The following TIAM1 variants were observed in gnomAD, a reference collection of about 807,000 sequenced individuals.
The protein encoded by TIAM1 is TIAM Rac1 associated GEF 1.
TIAM1 carries 65 observed loss-of-function variants against 163.5 expected under a neutral mutation model. That is an observed-to-expected ratio of 0.40 (90% CI 0.33 to 0.49). The LOEUF (loss-of-function observed/expected upper bound fraction) is 0.49. Among genes scored for constraint, TIAM1 ranks in the 20% least tolerant of loss-of-function variants. The pLI is 0.77. For synonymous variants in TIAM1, 833 were observed against 810.1 expected, an observed-to-expected ratio of 1.03 and a Z score of -0.48; for missense variants, 1,789 against 2,044.7, an observed-to-expected ratio of 0.87 and a Z score of 2.41.
rs751380189 is a variant in TIAM1, at chr21:31,136,005, T to A, written c.3811A>T (p.Thr1271Ser). The change falls in exon 23 of 28, where the codon ACT (threonine) becomes TCT (serine). Residue 1271 changes from threonine to serine, a missense_variant. Thr to Ser is a moderately conservative substitution (Grantham distance 58). Coordinates refer to ENST00000541036, the MANE Select transcript of TIAM1 (RefSeq NM_001353694.2). ...DLSMGDLLLH[T>S]TVIWLNPPAS... is the part of the protein sequence containing the mutation. ...GGCGGGTTCAGCCAGATCACGGTAG[T>A]GTGCAAAAGCAGGTCTCCCATGCTC... 7 of 1,614,164 alleles carry A rather than the reference T, an allele frequency of 4.3e-6. No individual in the cohort carries two copies. In the Admixed American group the frequency reaches 8.3e-5, roughly 19 times the overall value.
At chr21:31,228,256 A>ATCTG (rs2088175236) in intron 6 of TIAM1, among the ~76,000 whole-genome samples, 2 of 116,108 alleles carry the variant, frequency 1.7e-5, no homozygotes, top group African/African-American at 6.6e-5. Flanking sequence ...AAAAAAAAAA[A>ATCTG]AAAGGAAGGA....
chr21:31,151,918 T>C (rs920830426), intron 19 of TIAM1, among the ~76,000 whole-genome samples: 8 of 152,052 alleles, frequency 5.3e-5, no homozygotes, highest in Admixed American at 5.2e-4. Flanking sequence ...GGACACCGTG[T>C]GCTGGAAGAT....
intron 8 of TIAM1, among the ~76,000 whole-genome samples, chr21:31,221,308 A>G (rs1006142171): frequency 6.6e-6 from 1 of 152,354 alleles, no homozygotes; most frequent in South Asian, 2.1e-4. Flanking sequence ...GAACATATTG[A>G]AACACCCAGA....
At chr21:31,430,223 AAAATATAT>A (rs1315252736) in intron 2 of TIAM1, among the ~76,000 whole-genome samples, 62 of 98,004 alleles carry the variant, frequency 6.3e-4, no homozygotes, top group African/African-American at 3.1e-3. Context: ...AAAAAAAAAA[AAAATATAT>A]ATATATATAT....
At chr21:31,503,572 G>GAA in intron 1 of TIAM1, among the ~76,000 whole-genome samples, 1 of 40,320 alleles carries the variant, frequency 2.5e-5, no homozygotes, top group East Asian at 8.5e-4. Context: ...AGGGAAAGAA[G>GAA]AGAGAAAGAG....
intron 13 of TIAM1, among the ~76,000 whole-genome samples, chr21:31,189,098 A>C (rs1233308839): frequency 9.4e-6 from 1 of 105,898 alleles, no homozygotes; most frequent in Non-Finnish European, 1.7e-5. Context: ...TCTGTTGTCT[A>C]GGCTGGAGTG....
chr21:31,143,427 A>C (rs1300795316), intron 20 of TIAM1, among the ~76,000 whole-genome samples: 2 of 148,944 alleles, frequency 1.3e-5, no homozygotes. Flanking sequence ...CCCCGCAAAA[A>C]ACAGTGGGAG....
chr21:31,358,828 G>C (rs1431225875), intron 2 of TIAM1, among the ~76,000 whole-genome samples: 1 of 152,058 alleles, frequency 6.6e-6, no homozygotes, highest in African/African-American at 2.4e-5. Flanking sequence ...TCCTTTTAAA[G>C]TATAAATTAG....
At chr21:31,384,929 G>A (rs2076840504) in intron 2 of TIAM1, among the ~76,000 whole-genome samples, 1 of 151,922 alleles carries the variant, frequency 6.6e-6, no homozygotes, top group African/African-American at 2.4e-5. Flanking sequence ...ACCCACACAA[G>A]CACACACACA....
In TIAM1 at chr21:31,124,553, C is replaced by T; in HGVS notation, c.4275G>A (p.Leu1425=). ...TGCTCATGGCCGGCCTGGCCCCCTT[C>T]AGTGCACACAATCTTTTGCCTCCAA... ...VPFGGKRLCA[L]KGARPAMSRA... The change falls in exon 27 of 28, where the codon CTG becomes CTA. Residue 1425 remains leucine (L), a synonymous_variant. Coordinates refer to ENST00000541036, the MANE Select transcript of TIAM1 (RefSeq NM_001353694.2). The T allele has an allele frequency of 6.2e-7, 1 of 1,613,640 alleles. No individual in the cohort carries two copies. The highest frequency in any genetic ancestry group is 8.5e-7 in the Non-Finnish European group (1 of 1,179,986).
chr21:31,406,251 T>A (rs1430336993), intron 2 of TIAM1, among the ~76,000 whole-genome samples: 1 of 151,300 alleles, frequency 6.6e-6, no homozygotes, highest in Non-Finnish European at 1.5e-5. Flanking sequence ...CCAGACATCA[T>A]TATAATTTAT....
intron 1 of TIAM1, among the ~76,000 whole-genome samples, chr21:31,471,249 G>A (rs761240472): frequency 1.5e-4 from 23 of 152,300 alleles, no homozygotes; most frequent in African/African-American, 5.1e-4. Flanking sequence ...GGTGGGCATC[G>A]GTCAGCCCTT....
chr21:31,547,293 T>C lies in TIAM1; in HGVS notation c.-422+11634A>G, dbSNP rs181985548. On this transcript the variant is annotated intron_variant, in intron 1 of 28. Transcript: ENST00000286827. ...TTTAGAAACAAAGTATATCTGGTTT[T>C]GAGCCCATCTTCCAAGAAAGAGACT... Among the ~76,000 whole-genome samples, 31 of 152,352 alleles carry C rather than the reference T, an allele frequency of 2.0e-4. 1 individual carries two copies. The highest frequency in any genetic ancestry group is 3.8e-4 in the Non-Finnish European group (26 of 68,026).
intron 23 of TIAM1, 114 bp downstream of exon 23, chr21:31,135,819 A>G (rs2146255574): frequency 1.1e-6 from 1 of 936,648 alleles, no homozygotes. Flanking sequence ...GACCGATTCA[A>G]GTAACTGCAA....
Position 31,252,225 on chromosome 21 carries a change from G to T in TIAM1, c.964-36C>A, listed in dbSNP as rs374781116. The T allele has an allele frequency of 1.1e-5, 18 of 1,578,710 alleles. No individual in the cohort carries two copies. In the East Asian group the frequency reaches 2.0e-4, roughly 18 times the overall value. On this transcript the variant is annotated intron_variant, in intron 4 of 27. Transcript: ENST00000541036. ...GAAAGAGAGAGCAAAGAAGACAAGC[G>T]TCACGTGGAGAAGGAACCCAGGGTC...
At chr21:31,274,335 T>C (rs528426882) in intron 3 of TIAM1, among the ~76,000 whole-genome samples, 22 of 151,884 alleles carry the variant, frequency 1.4e-4, no homozygotes, top group African/African-American at 4.3e-4. Context: ...CATAAGAAAA[T>C]ATTCCAGTTA....
chr21:31,243,105 T>C (rs139417597), intron 6 of TIAM1, among the ~76,000 whole-genome samples: 2,387 of 148,358 alleles, frequency 0.016, 59 homozygotes, highest in African/African-American at 0.055. Context: ...GGCAGGAGAA[T>C]TGCTTGAACG....
chr21:31,552,080 C>G (rs7275555), intron 1 of TIAM1, among the ~76,000 whole-genome samples: 2 of 102,434 alleles, frequency 2.0e-5, no homozygotes, highest in South Asian at 7.2e-4. Context: ...TTTTTTGAGA[C>G]GGAGGCTCAC....
At chr21:31,371,956 G>C (rs1316482247) in intron 2 of TIAM1, among the ~76,000 whole-genome samples, 22 of 152,154 alleles carry the variant, frequency 1.4e-4, no homozygotes, top group Non-Finnish European at 4.4e-5. Context: ...TTCCCAAAGT[G>C]AACTCACCCA....
Sources: allele counts gnomAD v4.1 joint callset (sites outside exome capture counted in the v4.1 genomes callset), GRCh38; gene constraint gnomAD v4.1.1; transcripts MANE v1.5; gene names NCBI Gene and HGNC (gene_info 2026-07-23, HGNC 2026-07-21).